INPP4B: variants seen among roughly 807,000 people sequenced by gnomAD.
The protein encoded by INPP4B is inositol polyphosphate-4-phosphatase type II B.
Under a neutral mutation model 122.5 loss-of-function variants are expected in INPP4B, and 55 were observed. The ratio of observed to expected loss-of-function variants is 0.45; its 90% CI spans 0.36 to 0.56. The LOEUF is 0.56. Ranked by LOEUF, INPP4B falls within the 20% of genes least tolerant of loss-of-function variation. INPP4B has a pLI of 0.00. For missense variants in INPP4B, 1,000 were observed against 1,097.7 expected (o/e 0.91, Z 1.26); for synonymous variants, 403 against 388.7 (o/e 1.04, Z -0.43).
intron 2 of INPP4B, among the ~76,000 whole-genome samples, chr4:142,512,609 C>T (rs1202460222): frequency 1.3e-5 from 2 of 152,124 alleles, no homozygotes; most frequent in Non-Finnish European, 2.9e-5. Flanking sequence ...TATATCCCCA[C>T]CTCCCCAAAA....
At chr4:142,704,364 G>T (rs1173035499) in intron 2 of INPP4B, among the ~76,000 whole-genome samples, 3 of 152,088 alleles carry the variant, frequency 2.0e-5, no homozygotes, top group African/African-American at 7.2e-5. Flanking sequence ...TTATATAATG[G>T]TGAGTACAAT....
At chr4:142,199,944 A>G (rs28583137) in intron 14 of INPP4B, among the ~76,000 whole-genome samples, 1,993 of 152,132 alleles carry the variant, frequency 0.013, 49 homozygotes, top group African/African-American at 0.045. Flanking sequence ...GACTATGCAA[A>G]TATCCTTTTT....
chr4:142,120,228 T>C (rs1561191367), intron 21 of INPP4B, among the ~76,000 whole-genome samples: 1 of 152,086 alleles, frequency 6.6e-6, no homozygotes, highest in African/African-American at 2.4e-5. Context: ...TAATACTACA[T>C]TGTCTTGATT....
intron 1 of INPP4B, among the ~76,000 whole-genome samples, chr4:142,758,446 A>C (rs1333932164): frequency 6.6e-6 from 1 of 152,076 alleles, no homozygotes. Flanking sequence ...CTCTTTTTGG[A>C]AAAGAGTGAA....
At chr4:142,677,989 T>TA (rs951693807) in intron 2 of INPP4B, among the ~76,000 whole-genome samples, 8 of 150,266 alleles carry the variant, frequency 5.3e-5, no homozygotes, top group African/African-American at 1.5e-4. Context: ...TAAAGTACAA[T>TA]AAAAAAAAGC....
At chr4:142,542,980 A>T (rs1321914484) in intron 2 of INPP4B, among the ~76,000 whole-genome samples, 3 of 152,178 alleles carry the variant, frequency 2.0e-5, no homozygotes, top group Non-Finnish European at 4.4e-5. Context: ...AAAAAAATGT[A>T]TATGTATGCT....
intron 18 of INPP4B, among the ~76,000 whole-genome samples, chr4:142,138,907 C>T (rs942601275): frequency 2.0e-5 from 3 of 152,136 alleles, no homozygotes; most frequent in African/African-American, 7.2e-5. Context: ...GAGAGTAATC[C>T]TCATGCCTCA....
intron 17 of INPP4B, among the ~76,000 whole-genome samples, chr4:142,148,185 C>G (rs1220339666): frequency 6.6e-6 from 1 of 152,106 alleles, no homozygotes; most frequent in African/African-American, 2.4e-5. Flanking sequence ...TAGCTTTGTT[C>G]ATAAGTTGTT....
At chr4:142,216,384 T>C (rs1171454657) in intron 12 of INPP4B, among the ~76,000 whole-genome samples, 1 of 152,210 alleles carries the variant, frequency 6.6e-6, no homozygotes, top group Non-Finnish European at 1.5e-5. Flanking sequence ...TTTTGGGACT[T>C]ACTTCCATCT....
At chr4:142,744,459 C>T (rs575423689) in intron 1 of INPP4B, among the ~76,000 whole-genome samples, 2 of 151,544 alleles carry the variant, frequency 1.3e-5, no homozygotes. Flanking sequence ...TGAAAAAATC[C>T]TAAAAAAGAT....
intron 2 of INPP4B, among the ~76,000 whole-genome samples, chr4:142,570,249 C>T (rs1268576886): frequency 6.6e-6 from 1 of 151,994 alleles, no homozygotes; most frequent in African/African-American, 2.4e-5. Flanking sequence ...AACCATATCC[C>T]AAGAGCCTCA....
chr4:142,464,562 C>G (rs1373401112), intron 2 of INPP4B, among the ~76,000 whole-genome samples: 1 of 151,208 alleles, frequency 6.6e-6, no homozygotes, highest in Non-Finnish European at 1.5e-5. Flanking sequence ...CTTTAGATTT[C>G]TCATTTTTTG....
chr4:142,368,533 T>C (rs77532745), intron 7 of INPP4B, among the ~76,000 whole-genome samples: 1 of 152,022 alleles, frequency 6.6e-6, no homozygotes, highest in Non-Finnish European at 1.5e-5. Context: ...ACCACATAAT[T>C]TGAGGCACAC....
At chr4:142,523,912 G>C (rs1826457742) in intron 2 of INPP4B, among the ~76,000 whole-genome samples, 1 of 144,614 alleles carries the variant, frequency 6.9e-6, no homozygotes, top group Non-Finnish European at 1.5e-5. Flanking sequence ...GCGGTGTTTG[G>C]TTTTTTGTTC....
chr4:142,653,695 C>T (rs1054739854), intron 2 of INPP4B, among the ~76,000 whole-genome samples: 4 of 151,868 alleles, frequency 2.6e-5, no homozygotes, highest in Non-Finnish European at 4.4e-5. Flanking sequence ...AATTAGAATG[C>T]CAATCATTAA....
intron 7 of INPP4B, among the ~76,000 whole-genome samples, chr4:142,351,897 G>A (rs1782039918): frequency 6.6e-6 from 1 of 151,962 alleles, no homozygotes; most frequent in African/African-American, 2.4e-5. Flanking sequence ...AACAATACTT[G>A]TGAGCTCATT....
At chr4:142,729,098 C>G (rs1202950779) in intron 1 of INPP4B, among the ~76,000 whole-genome samples, 1 of 152,108 alleles carries the variant, frequency 6.6e-6, no homozygotes, top group Non-Finnish European at 1.5e-5. Flanking sequence ...ATAAGGAGCA[C>G]GTAACCTAGA....
At chr4:142,344,906 C>T (rs1779824749) in intron 7 of INPP4B, among the ~76,000 whole-genome samples, 1 of 151,946 alleles carries the variant, frequency 6.6e-6, no homozygotes, top group Admixed American at 6.6e-5. Flanking sequence ...TCCTGAATTT[C>T]CACTTTTTAA....
In INPP4B at chr4:142,470,786, T is replaced by C. The variant is rs1004850699; in HGVS notation, c.-190-8060A>G. ...TTTTCATATTCTTTGATCTAGTAAT[T>C]CTAATTTTGGGTTTCCATTCTAGAG... On this transcript the variant is annotated intron_variant, in intron 2 of 25. Transcript: ENST00000262992. 5.3e-5 allele frequency among the ~76,000 whole-genome samples: 8 copies of C among 152,216 alleles called. No homozygotes were observed. In the East Asian group the frequency reaches 1.3e-3, roughly 26 times the overall value.
Sources: gnomAD v4.1 joint callset for allele counts (sites outside exome capture counted in the v4.1 genomes callset) on GRCh38, gnomAD v4.1.1 for gene constraint, MANE v1.5 for transcripts, NCBI Gene and HGNC (gene_info 2026-07-23, HGNC 2026-07-21) for gene names.